CCDC170: variants seen among roughly 807,000 people sequenced by gnomAD.
The protein encoded by CCDC170 is coiled-coil domain containing 170.
A neutral mutation model predicts 72.6 loss-of-function variants in CCDC170; 69 were observed. The observed-to-expected ratio is 0.95, with a 90% confidence interval of 0.78 to 1.16. The LOEUF (loss-of-function observed/expected upper bound fraction) is 1.16. Among genes scored for constraint, CCDC170 ranks in the 50% most tolerant of loss-of-function variants. CCDC170 has a pLI of 0.00. For synonymous variants in CCDC170, 300 were observed against 303.9 expected, an observed-to-expected ratio of 0.99 and a Z score of 0.13; for missense variants, 852 against 832.5, an observed-to-expected ratio of 1.02 and a Z score of -0.29.
chr6:151,595,274 C>T (rs1015171484), intron 8 of CCDC170, among the ~76,000 whole-genome samples: 4 of 152,042 alleles, frequency 2.6e-5, no homozygotes, highest in Non-Finnish European at 5.9e-5. Context: ...AGCTTCTTCC[C>T]CCTCTAGAGT....
intron 1 of CCDC170, among the ~76,000 whole-genome samples, chr6:151,524,072 C>T (rs1163710336): frequency 6.6e-6 from 1 of 152,180 alleles, no homozygotes; most frequent in Non-Finnish European, 1.5e-5. Flanking sequence ...GAGGGCTGGG[C>T]ATCTCATTTG....
In CCDC170 at chr6:151,586,072, A is replaced by T; in HGVS notation, c.1276A>T (p.Asn426Tyr). The change falls in exon 7 of 11, where the codon AAT (asparagine) becomes TAT (tyrosine). Residue 426 changes from asparagine (N) to tyrosine (Y), a missense_variant. Asn to Tyr is a moderately radical substitution (Grantham distance 143). Transcript: ENST00000239374. ...TGGAGGTGTTTTGCGAGACAACTTG[A>T]ATTTTGAGAAACAAAAAGTAATGAC... is the stretch of plus-strand genomic sequence containing the variant. Reference protein sequence around the residue: ...VSGGVLRDNLNFEKQKYLKFL... With the variant: ...VSGGVLRDNLYFEKQKYLKFL... 1 of 1,614,122 alleles carries T rather than the reference A, an allele frequency of 6.2e-7. No individual in the cohort carries two copies. The highest frequency in any genetic ancestry group is 2.2e-5 in the East Asian group (1 of 44,874).
rs967045686 is a variant in CCDC170 at position 151,494,106 on chromosome 6, C to T, written c.-23C>T. On this transcript the variant is annotated 5_prime_UTR_variant, in exon 1 of 11. Coordinates refer to ENST00000239374, the MANE Select transcript of CCDC170 (RefSeq NM_025059.4). Reference sequence around the variant, plus strand: ...CCTCAGGGCCGGTTCCGGGTCCGAGCGCGCCCCCGGGCTCGGGTCGTCATG... The same window carrying T: ...CCTCAGGGCCGGTTCCGGGTCCGAGTGCGCCCCCGGGCTCGGGTCGTCATG... The T allele has an allele frequency of 5.4e-6, 8 of 1,491,576 alleles. No individual in the cohort carries two copies. In the Admixed American group the frequency reaches 7.0e-5, roughly 13 times the overall value. 92.4% of individuals were successfully genotyped at this position (1,491,576 alleles called of 1,614,324 possible).
intron 5 of CCDC170, among the ~76,000 whole-genome samples, chr6:151,564,480 G>A (rs1776096553): frequency 1.3e-5 from 2 of 152,162 alleles, no homozygotes; most frequent in Admixed American, 6.5e-5. Context: ...GGTCTATACT[G>A]GCAGTGGCAG....
At chr6:151,504,945 G>A (rs1008202392) in intron 1 of CCDC170, among the ~76,000 whole-genome samples, 15 of 152,176 alleles carry the variant, frequency 9.9e-5, no homozygotes, top group Admixed American at 9.2e-4. Context: ...TGGAGGGCTA[G>A]AGAAGTGGGA....
chr6:151,610,290 A>C (rs1418463536), intron 9 of CCDC170, among the ~76,000 whole-genome samples: 5 of 152,232 alleles, frequency 3.3e-5, no homozygotes, highest in Non-Finnish European at 7.3e-5. Context: ...ATATCAAAAA[A>C]ATTCTACTAG....
chr6:151,522,528 C>T (rs187073715), intron 1 of CCDC170, among the ~76,000 whole-genome samples: 67 of 152,252 alleles, frequency 4.4e-4, no homozygotes, highest in South Asian at 2.1e-3. Flanking sequence ...GTACTCACCC[C>T]GTCATTCTCT....
chr6:151,543,142 AT>A (rs1327772796), intron 3 of CCDC170, among the ~76,000 whole-genome samples: 3 of 152,314 alleles, frequency 2.0e-5, no homozygotes, highest in Admixed American at 6.5e-5. Context: ...CCTTTAAAGT[AT>A]GCCTATTTTT....
chr6:151,549,967 C>T lies in CCDC170; in HGVS notation c.774+1478C>T, dbSNP rs903676268. 3.9e-5 allele frequency among the ~76,000 whole-genome samples: 6 copies of T among 151,908 alleles called. No homozygotes were observed. In the East Asian group the frequency reaches 7.7e-4, roughly 19 times the overall value. ...TAAGACAAAATCCAAGAAGTAGACT[C>T]GCTGGGCCAAAGGACATGGACCTTG... is the stretch of plus-strand genomic sequence containing the variant. On this transcript the variant is annotated intron_variant, in intron 5 of 10. Coordinates refer to ENST00000239374, the MANE Select transcript of CCDC170 (RefSeq NM_025059.4).
rs563964832 is a variant in CCDC170 at position 151,611,342 on chromosome 6, A to G, written c.1711-4101A>G. Among the ~76,000 whole-genome samples, 4 of 152,314 alleles carry G rather than the reference A, an allele frequency of 2.6e-5. No homozygotes were observed. In the East Asian group the frequency reaches 7.7e-4, roughly 29 times the overall value. ...GCCATAACAAAATACCATAAACGGG[A>G]TGGCTTATAAGCAACAGAAATTTCT... On this transcript the variant is annotated intron_variant, in intron 9 of 10. Transcript: ENST00000239374.
Position 151,619,421 on chromosome 6 carries a change from AAC to A in CCDC170, c.*1275_*1276del, listed in dbSNP as rs1777024938. The A allele has an allele frequency of 7.0e-6, 1 of 142,976 alleles. No homozygotes were observed. Among genetic ancestry groups the A allele is most frequent in the East Asian group, 4.7e-4 (1 of 2,138 alleles). The allele number at this position is 142,976 out of a possible 1,614,324, so 8.9% of individuals were successfully genotyped here. ...AAATTTTTCAGGGAATCATATTCTT[AAC>A]TTCACTGAGAAAAATGTGTTACTCT... On this transcript the variant is annotated 3_prime_UTR_variant, in exon 11 of 11. Coordinates refer to ENST00000239374, the MANE Select transcript of CCDC170 (RefSeq NM_025059.4).
chr6:151,548,914 T>TC (rs1782827876), intron 5 of CCDC170, among the ~76,000 whole-genome samples: 1 of 150,656 alleles, frequency 6.6e-6, no homozygotes, highest in Non-Finnish European at 1.5e-5. Context: ...TTGTTTTTTT[T>TC]GTTTTGGACG....
intron 1 of CCDC170, among the ~76,000 whole-genome samples, chr6:151,528,632 G>A (rs993468908): frequency 6.6e-6 from 1 of 152,088 alleles, no homozygotes; most frequent in African/African-American, 2.4e-5. Flanking sequence ...GATCAGTTGA[G>A]TTCAAGACCA....
At chr6:151,538,360 A>T in intron 3 of CCDC170, 59 bp downstream of exon 3, 1 of 1,489,504 alleles carries the variant, frequency 6.7e-7, no homozygotes, top group Non-Finnish European at 9.2e-7. Flanking sequence ...AGCTTCTGAT[A>T]GCAAGATATG....
chr6:151,592,575 G>A (rs12525051), intron 7 of CCDC170, among the ~76,000 whole-genome samples: 59,260 of 151,880 alleles, frequency 0.39, 12,492 homozygotes, highest in Non-Finnish European at 0.48. Context: ...ACCATCAGAC[G>A]TCGTGAGACT....
At position 151,585,955 on chromosome 6, in the gene CCDC170, C is replaced by T; in HGVS notation, c.1159C>T (p.His387Tyr). 6.2e-7 allele frequency: 1 copy of T among 1,613,960 alleles called. No individual in the cohort carries two copies. Among genetic ancestry groups the T allele is most frequent in the East Asian group, 2.2e-5 (1 of 44,856 alleles). The part of the protein sequence containing the change: ...VEQLGKESGF[H>Y]QKALQRAQKA... ...ACAGTTGGGAAAGGAGTCTGGGTTTCACCAGAAAGCTCTCCAGAGGGCCCA... is the reference window on the plus strand; with the variant it reads ...ACAGTTGGGAAAGGAGTCTGGGTTTTACCAGAAAGCTCTCCAGAGGGCCCA... Residue 387 changes from histidine (H) to tyrosine (Y), a missense_variant, in exon 7 of 11, where the codon CAC becomes TAC. Physicochemically the swap from His to Tyr is moderately conservative, Grantham distance 83. Transcript: ENST00000239374.
At chr6:151,586,654 C>T (rs183482198) in intron 7 of CCDC170, among the ~76,000 whole-genome samples, 241 of 151,028 alleles carry the variant, frequency 1.6e-3, no homozygotes, top group Middle Eastern at 3.4e-3. Flanking sequence ...ATGTTATTCT[C>T]GGTGGATCTG....
At chr6:151,525,485 A>G (rs1782390336) in intron 1 of CCDC170, among the ~76,000 whole-genome samples, 1 of 151,726 alleles carries the variant, frequency 6.6e-6, no homozygotes, top group South Asian at 2.1e-4. Context: ...CACCCTCCCC[A>G]CCCTTGGGAT....
At chr6:151,555,014 G>A (rs1782952563) in intron 5 of CCDC170, among the ~76,000 whole-genome samples, 1 of 151,392 alleles carries the variant, frequency 6.6e-6, no homozygotes, top group Non-Finnish European at 1.5e-5. Flanking sequence ...GAGTAGCTGG[G>A]ACTACAGGCA....
Sources: allele counts gnomAD v4.1 joint callset (sites outside exome capture counted in the v4.1 genomes callset), GRCh38; gene constraint gnomAD v4.1.1; transcripts MANE v1.5; gene names NCBI Gene and HGNC (gene_info 2026-07-23, HGNC 2026-07-21).